Variants in PCDH9 observed in about 807,000 individuals in gnomAD.
PCDH9 encodes the protein protocadherin 9, also known as protocadherin-9.
PCDH9 carries 24 observed loss-of-function variants against 70.6 expected under a neutral mutation model. The ratio of observed to expected loss-of-function variants is 0.34; its 90% CI spans 0.25 to 0.48. The LOEUF is 0.48. PCDH9 is among the 20% of genes least tolerant of loss of function. The pLI is 0.99. For missense variants in PCDH9, 1,281 were observed against 1,503.6 expected (o/e 0.85, Z 2.45); for synonymous variants, 562 against 558.5 (o/e 1.01, Z -0.09).
At chr13:66,838,882 AAAT>A (rs1462687970) in intron 3 of PCDH9, among the ~76,000 whole-genome samples, 1 of 152,112 alleles carries the variant, frequency 6.6e-6, no homozygotes, top group Admixed American at 6.5e-5. Flanking sequence ...ATCACTTTAA[AAAT>A]AATGTCACTT....
intron 3 of PCDH9, among the ~76,000 whole-genome samples, chr13:66,661,865 T>C (rs1291821359): frequency 6.6e-6 from 1 of 152,196 alleles, no homozygotes; most frequent in African/African-American, 2.4e-5. Flanking sequence ...GGAGTTATAA[T>C]ATCATAGCCT....
intron 2 of PCDH9, among the ~76,000 whole-genome samples, chr13:67,138,399 T>C (rs1228057235): frequency 6.6e-6 from 1 of 152,204 alleles, no homozygotes; most frequent in Non-Finnish European, 1.5e-5. Flanking sequence ...TGTTTGTTCA[T>C]GCTTTATTTA....
At chr13:66,823,178 G>T (rs1285343240) in intron 3 of PCDH9, among the ~76,000 whole-genome samples, 1 of 151,710 alleles carries the variant, frequency 6.6e-6, no homozygotes, top group Non-Finnish European at 1.5e-5. Context: ...ACATATTAGA[G>T]AATTTATTTT....
chr13:66,966,353 A>C (rs560812216), intron 2 of PCDH9, among the ~76,000 whole-genome samples: 1 of 152,280 alleles, frequency 6.6e-6, no homozygotes, highest in South Asian at 2.1e-4. Flanking sequence ...GAAACAAGCG[A>C]TGCAGTAGAA....
chr13:66,983,087 A>G (rs960045354), intron 2 of PCDH9, among the ~76,000 whole-genome samples: 26 of 152,144 alleles, frequency 1.7e-4, no homozygotes, highest in Non-Finnish European at 3.7e-4. Context: ...ATAGTTAGGA[A>G]TCAAATAGAA....
chr13:67,021,004 T>C (rs1273370423), intron 2 of PCDH9, among the ~76,000 whole-genome samples: 2 of 152,248 alleles, frequency 1.3e-5, no homozygotes, highest in Non-Finnish European at 2.9e-5. Context: ...GTTTTCATTA[T>C]ATAAACACAC....
intron 2 of PCDH9, among the ~76,000 whole-genome samples, chr13:67,156,834 C>G (rs1424050629): frequency 6.6e-6 from 1 of 152,090 alleles, no homozygotes; most frequent in Non-Finnish European, 1.5e-5. Context: ...GGGTGGGAGC[C>G]CCACAGCCTG....
intron 4 of PCDH9, among the ~76,000 whole-genome samples, chr13:66,375,323 A>C (rs1198037180): frequency 6.6e-6 from 1 of 152,046 alleles, no homozygotes; most frequent in African/African-American, 2.4e-5. Flanking sequence ...CCTATCCTTC[A>C]ATTGAATCAG....
At chr13:67,012,795 T>G (rs1375377747) in intron 2 of PCDH9, among the ~76,000 whole-genome samples, 3 of 151,944 alleles carry the variant, frequency 2.0e-5, no homozygotes, top group African/African-American at 7.2e-5. Flanking sequence ...TGTAAAACGA[T>G]TAAAGAGTCA....
chr13:66,954,235 G>C (rs932903008), intron 2 of PCDH9, among the ~76,000 whole-genome samples: 3 of 152,102 alleles, frequency 2.0e-5, no homozygotes, highest in Non-Finnish European at 4.4e-5. Flanking sequence ...CTTTATATAT[G>C]TATTTGTGTG....
At chr13:66,688,015 G>T (rs9529118) in intron 3 of PCDH9, among the ~76,000 whole-genome samples, 30,608 of 151,920 alleles carry the variant, frequency 0.2, 3,324 homozygotes, top group Middle Eastern at 0.3. Flanking sequence ...ATGGTTTTTT[G>T]TCTGTACTTT....
intron 4 of PCDH9, among the ~76,000 whole-genome samples, chr13:66,375,032 G>T (rs370598823): frequency 6.6e-6 from 1 of 152,056 alleles, no homozygotes; most frequent in Non-Finnish European, 1.5e-5. Flanking sequence ...TTAAAGGCCA[G>T]TCAGAGATTA....
chr13:67,020,541 T>C (rs1186800433), intron 2 of PCDH9, among the ~76,000 whole-genome samples: 14 of 151,926 alleles, frequency 9.2e-5, no homozygotes, highest in Admixed American at 9.2e-4. Context: ...ATTCTCAAAC[T>C]GATTGCAAAG....
At chr13:66,501,308 A>G (rs1959176128) in intron 4 of PCDH9, among the ~76,000 whole-genome samples, 1 of 151,948 alleles carries the variant, frequency 6.6e-6, no homozygotes, top group African/African-American at 2.4e-5. Flanking sequence ...TTTACATACC[A>G]TTTCTCTATT....
intron 2 of PCDH9, among the ~76,000 whole-genome samples, chr13:66,931,678 T>G (rs2082811307): frequency 6.6e-6 from 1 of 152,138 alleles, no homozygotes; most frequent in South Asian, 2.1e-4. Flanking sequence ...ACATGACTTT[T>G]CTGTTCCACA....
Position 66,358,943 on chromosome 13 carries a change from T to C in PCDH9, c.3341-53915A>G, listed in dbSNP as rs185447549. ...CACTGCTGACTAGTAAACAATATTT[T>C]TTCCCTCTAGAGTCATCCAAAAATA... On this transcript the variant is annotated intron_variant, in intron 4 of 4. Coordinates refer to ENST00000377865, the MANE Select transcript of PCDH9 (RefSeq NM_203487.3). Among the ~76,000 whole-genome samples the C allele has an allele frequency of 1.2e-4, 19 of 152,124 alleles. No individual in the cohort carries two copies. The East Asian group carries it at 3.7e-3, about 29-fold the overall frequency.
At chr13:67,088,086 G>A (rs1290781180) in intron 2 of PCDH9, among the ~76,000 whole-genome samples, 1 of 147,014 alleles carries the variant, frequency 6.8e-6, no homozygotes, top group African/African-American at 2.5e-5. Context: ...AGGGAATTTG[G>A]TCTATTTCAT....
chr13:67,054,102 T>C (rs2085373928), intron 2 of PCDH9, among the ~76,000 whole-genome samples: 1 of 152,080 alleles, frequency 6.6e-6, no homozygotes, highest in African/African-American at 2.4e-5. Context: ...GTGAAATAAC[T>C]GGCAAAGAAA....
chr13:66,460,546 T>C (rs1250625964), intron 4 of PCDH9, among the ~76,000 whole-genome samples: 2 of 151,932 alleles, frequency 1.3e-5, no homozygotes, highest in Non-Finnish European at 2.9e-5. Context: ...AAGTACAATT[T>C]ATAAAATCCT....
Sources: allele counts gnomAD v4.1 joint callset (sites outside exome capture counted in the v4.1 genomes callset), GRCh38; gene constraint gnomAD v4.1.1; transcripts MANE v1.5; gene names NCBI Gene and HGNC (gene_info 2026-07-23, HGNC 2026-07-21).